Variants in FBXW11 observed in about 807,000 individuals in gnomAD.
FBXW11 encodes the protein F-box and WD repeat domain containing 11.
FBXW11 carries 19 observed loss-of-function variants against 77.6 expected under a neutral mutation model. The observed-to-expected ratio is 0.24, with a 90% CI of 0.17 to 0.36. The LOEUF (loss-of-function observed/expected upper bound fraction) is 0.36. Ranked by LOEUF, FBXW11 falls within the 10% of genes least tolerant of loss-of-function variation. FBXW11 has a pLI of 1.00. For missense variants in FBXW11, 334 were observed against 704.2 expected, an observed-to-expected ratio of 0.47 and a Z score of 5.95; for synonymous variants, 235 against 249.4, an observed-to-expected ratio of 0.94 and a Z score of 0.54.
At chr5:171,870,399 AC>A (rs1757684829) in intron 11 of FBXW11, among the ~76,000 whole-genome samples, 2 of 152,160 alleles carry the variant, frequency 1.3e-5, no homozygotes, top group African/African-American at 4.8e-5. Context: ...ACACACACAC[AC>A]ACACACACAC....
chr5:171,891,505 C>T lies in FBXW11; in HGVS notation c.814G>A (p.Glu272Lys). Residue 272 changes from glutamate to lysine, a missense_variant, in exon 7 of 14, where the codon GAA becomes AAA. By Grantham distance (56) the Glu-to-Lys change is moderately conservative. Coordinates refer to ENST00000517395, the MANE Select transcript of FBXW11 (RefSeq NM_001378974.1). ...TCTCGTAGGCCACTGATAATTTTTTCATCATCGTACTGTAAACAGTAGACA... is the reference window on the plus strand; with the variant it reads ...TCTCGTAGGCCACTGATAATTTTTTTATCATCGTACTGTAAACAGTAGACA... ...KGVYCLQYDD[E>K]KIISGLRDNS... The T allele has an allele frequency of 6.3e-7, 1 of 1,597,328 alleles. No individual in the cohort carries two copies. Among genetic ancestry groups the T allele is most frequent in the African/African-American group, 1.4e-5 (1 of 72,900 alleles).
At chr5:171,922,080 G>A (rs562390932) in intron 2 of FBXW11, among the ~76,000 whole-genome samples, 1 of 151,496 alleles carries the variant, frequency 6.6e-6, no homozygotes, top group African/African-American at 2.4e-5. Flanking sequence ...AAACAAGGGA[G>A]GGAGGGAGGG....
intron 7 of FBXW11, among the ~76,000 whole-genome samples, chr5:171,887,894 A>G (rs946565105): frequency 6.6e-6 from 1 of 152,022 alleles, no homozygotes; most frequent in Non-Finnish European, 1.5e-5. Context: ...CCTGGCCTCA[A>G]GTGATCCACC....
intron 2 of FBXW11, among the ~76,000 whole-genome samples, chr5:171,955,838 T>C (rs1302150076): frequency 6.6e-6 from 1 of 152,170 alleles, no homozygotes; most frequent in East Asian, 1.9e-4. Context: ...AATCTTTTTT[T>C]CCTTCTTAAG....
At chr5:171,875,720 A>T (rs187059058) in intron 9 of FBXW11, among the ~76,000 whole-genome samples, 2 of 152,116 alleles carry the variant, frequency 1.3e-5, no homozygotes, top group African/African-American at 4.8e-5. Context: ...CTAGACTTCA[A>T]CTCCTTGTTA....
intron 2 of FBXW11, among the ~76,000 whole-genome samples, chr5:171,928,606 T>G (rs1762009330): frequency 6.6e-6 from 1 of 152,240 alleles, no homozygotes; most frequent in Admixed American, 6.5e-5. Context: ...TTTCAAGCAT[T>G]TGACAATATT....
intron 1 of FBXW11, among the ~76,000 whole-genome samples, chr5:171,991,788 C>A (rs1765751322): frequency 6.6e-6 from 1 of 152,096 alleles, no homozygotes; most frequent in Non-Finnish European, 1.5e-5. Context: ...TAAGTAATAG[C>A]AGGCTGTAAC....
At chr5:171,893,421 CAAA>C (rs397999920) in intron 6 of FBXW11, among the ~76,000 whole-genome samples, 1,714 of 39,806 alleles carry the variant, frequency 0.043, 52 homozygotes, top group Middle Eastern at 0.062. Flanking sequence ...ACTTCAAAAC[CAAA>C]AAAAAAAAAA....
chr5:171,995,615 G>A (rs538485867), intron 1 of FBXW11, among the ~76,000 whole-genome samples: 9 of 152,100 alleles, frequency 5.9e-5, no homozygotes, highest in South Asian at 2.1e-4. Context: ...TTAGCTGGGC[G>A]TGGTGGTGGG....
intron 10 of FBXW11, 141 bp downstream of exon 10, chr5:171,872,731 T>C (rs1757831650): frequency 1.5e-6 from 1 of 659,606 alleles, no homozygotes; most frequent in South Asian, 1.8e-5. Context: ...AGAGCCCAAA[T>C]ACATTTCTAA....
intron 6 of FBXW11, among the ~76,000 whole-genome samples, chr5:171,892,039 T>C (rs1316304737): frequency 6.6e-6 from 1 of 152,266 alleles, no homozygotes; most frequent in African/African-American, 2.4e-5. Flanking sequence ...AGTGAGCAAC[T>C]ACTATAAGCC....
chr5:171,962,619 A>G (rs1763969655), intron 1 of FBXW11, among the ~76,000 whole-genome samples: 1 of 152,220 alleles, frequency 6.6e-6, no homozygotes, highest in African/African-American at 2.4e-5. Context: ...AGTAAAGACA[A>G]AAAGAATAAT....
At chr5:171,917,830 T>TTA (rs1226363331) in intron 2 of FBXW11, among the ~76,000 whole-genome samples, 6 of 151,650 alleles carry the variant, frequency 4.0e-5, no homozygotes, top group East Asian at 3.9e-4. Flanking sequence ...GAGATATATT[T>TTA]TATATATATG....
intron 2 of FBXW11, among the ~76,000 whole-genome samples, chr5:171,949,308 A>G (rs967698382): frequency 3.3e-5 from 5 of 152,226 alleles, no homozygotes; most frequent in African/African-American, 1.2e-4. Flanking sequence ...TATGATATCA[A>G]ATCAATGAAA....
chr5:171,893,071 C>T (rs1389395870), intron 6 of FBXW11, among the ~76,000 whole-genome samples: 3 of 152,028 alleles, frequency 2.0e-5, no homozygotes, highest in African/African-American at 7.2e-5. Flanking sequence ...CTAATTTAAT[C>T]GTGACTCTGA....
Position 171,952,448 on chromosome 5 carries a change from T to TATATATATATATATATATATATA in FBXW11, c.147+5148_147+5149insTATATATATATATATATATATAT, listed in dbSNP as rs1491271340. On this transcript the variant is annotated intron_variant, in intron 2 of 13. Coordinates refer to ENST00000517395, the MANE Select transcript of FBXW11 (RefSeq NM_001378974.1). ...ATATATATATATATATATATATATA[T>TATATATATATATATATATATATA]TTTTTTTTTTTTTTTTTTTTTTGAG... Among the ~76,000 whole-genome samples the TATATATATATATATATATATATA allele has an allele frequency of 5.5e-4, 6 of 10,880 alleles. 1 individual carries two copies. The highest frequency in any genetic ancestry group is 8.8e-4 in the Non-Finnish European group (5 of 5,678). 7.1% of individuals were successfully genotyped at this position (10,880 alleles called of 152,430 possible).
At chr5:171,964,080 G>A (rs1399520983) in intron 1 of FBXW11, among the ~76,000 whole-genome samples, 1 of 152,204 alleles carries the variant, frequency 6.6e-6, no homozygotes, top group Admixed American at 6.5e-5. Flanking sequence ...ATGATTTGCA[G>A]AGAAATAAGG....
At chr5:171,962,016 G>GA (rs1427178350) in intron 1 of FBXW11, among the ~76,000 whole-genome samples, 2 of 152,108 alleles carry the variant, frequency 1.3e-5, no homozygotes, top group Non-Finnish European at 2.9e-5. Context: ...GATCATTCGA[G>GA]AATAACTATT....
chr5:171,969,028 G>A (rs2113405022), intron 1 of FBXW11, among the ~76,000 whole-genome samples: 1 of 152,064 alleles, frequency 6.6e-6, no homozygotes, highest in Admixed American at 6.6e-5. Context: ...CTAGCACTCT[G>A]GGAGGCCGAG....
Sources: allele counts gnomAD v4.1 joint callset (sites outside exome capture counted in the v4.1 genomes callset), GRCh38; gene constraint gnomAD v4.1.1; transcripts MANE v1.5; gene names NCBI Gene and HGNC (gene_info 2026-07-23, HGNC 2026-07-21).